Variants in PAPSS2 observed in about 807,000 individuals in gnomAD.
The protein encoded by PAPSS2 is bifunctional 3'-phosphoadenosine 5'-phosphosulfate synthase 2.
In PAPSS2, 61 loss-of-function variants were observed where a neutral mutation model predicts 66.5. The ratio of observed to expected loss-of-function variants is 0.92; its 90% CI spans 0.75 to 1.14. The LOEUF is 1.14. Ranked by LOEUF, PAPSS2 falls within the 50% of genes most tolerant of loss-of-function variation. The probability of loss-of-function intolerance (pLI) is 0.00; values close to 1 mark genes in which losing one functional copy is unlikely to be tolerated. For missense variants in PAPSS2, 708 were observed against 789.6 expected (o/e 0.90, Z 1.24); for synonymous variants, 289 against 287.5 (o/e 1.01, Z -0.05).
chr10:87,699,397 C>T (rs1853274652), intron 1 of PAPSS2, among the ~76,000 whole-genome samples: 1 of 152,206 alleles, frequency 6.6e-6, no homozygotes, highest in Non-Finnish European at 1.5e-5. Context: ...GTCCTTTTAC[C>T]TCAGCCTCTC....
chr10:87,709,319 T>G lies in PAPSS2; in HGVS notation c.145+6T>G. On this transcript the variant is annotated splice_donor_region_variant and intron_variant, in intron 2 of 12. Coordinates refer to ENST00000456849, the MANE Select transcript of PAPSS2 (RefSeq NM_001015880.2). ...ATGTACCGTGTGGCTAACAGGTATGTCATGTTCATATATATATATATATAT... is the reference window on the plus strand; with the variant it reads ...ATGTACCGTGTGGCTAACAGGTATGGCATGTTCATATATATATATATATAT... The G allele has an allele frequency of 6.8e-7, 1 of 1,480,190 alleles. No individual in the cohort carries two copies. Among genetic ancestry groups the G allele is most frequent in the South Asian group, 1.1e-5 (1 of 87,418 alleles). 91.7% of individuals were successfully genotyped at this position (1,480,190 alleles called of 1,614,324 possible).
At position 87,741,117 on chromosome 10, in the gene PAPSS2, T is replaced by G. The variant is rs981971477; in HGVS notation, c.1087-118T>G. 15 of 1,033,098 alleles carry G rather than the reference T, an allele frequency of 1.5e-5. No homozygotes were observed. The African/African-American group carries it at 2.2e-4, about 15-fold the overall frequency. The allele number at this position is 1,033,098 out of a possible 1,614,324, so 64.0% of individuals were successfully genotyped here. ...TTGAGAAATACTGTGCCAGAAATAC[T>G]AAAGAACTGAAGGCAGTTCTTTAAC... On this transcript the variant is annotated intron_variant, in intron 9 of 12. Coordinates refer to ENST00000456849, the MANE Select transcript of PAPSS2 (RefSeq NM_001015880.2).
chr10:87,687,867 A>AT (rs1049226986), intron 1 of PAPSS2, among the ~76,000 whole-genome samples: 36 of 152,176 alleles, frequency 2.4e-4, no homozygotes, highest in African/African-American at 8.0e-4. Context: ...AATACAAAAA[A>AT]TGATGATTAA....
intron 1 of PAPSS2, among the ~76,000 whole-genome samples, chr10:87,681,357 A>C (rs1200740710): frequency 6.6e-6 from 1 of 152,194 alleles, no homozygotes; most frequent in Non-Finnish European, 1.5e-5. Flanking sequence ...AAACAGGAGG[A>C]GTTTTAAATG....
intron 1 of PAPSS2, among the ~76,000 whole-genome samples, chr10:87,690,768 C>T (rs78586631): frequency 0.011 from 1,702 of 152,282 alleles, 36 homozygotes; most frequent in African/African-American, 0.039. Context: ...GAGCCAGACC[C>T]TGTGCTTTTA....
At chr10:87,737,980 T>G (rs541421032) in intron 9 of PAPSS2, among the ~76,000 whole-genome samples, 8 of 152,370 alleles carry the variant, frequency 5.3e-5, no homozygotes, top group African/African-American at 1.9e-4. Flanking sequence ...ATATTTGCTT[T>G]TTTGTGACTG....
At chr10:87,715,586 G>T in intron 6 of PAPSS2, 146 bp from the exon 7 acceptor site, 1 of 699,558 alleles carries the variant, frequency 1.4e-6, no homozygotes, top group Non-Finnish European at 2.6e-6. Context: ...TTAGATCATG[G>T]GTTAGCATAA....
chr10:87,700,246 A>G (rs931314488), intron 1 of PAPSS2, among the ~76,000 whole-genome samples: 4 of 152,240 alleles, frequency 2.6e-5, no homozygotes, highest in African/African-American at 9.6e-5. Context: ...TTTGAGAATC[A>G]GAGAAACTGG....
intron 1 of PAPSS2, among the ~76,000 whole-genome samples, chr10:87,681,085 G>T (rs1339759250): frequency 4.6e-5 from 7 of 152,108 alleles, no homozygotes; most frequent in Non-Finnish European, 8.8e-5. Context: ...AAGGGAAGCG[G>T]GTGTTGCTGC....
At chr10:87,713,451 A>G (rs927314383) in intron 3 of PAPSS2, 141 bp downstream of exon 3, 1 of 652,202 alleles carries the variant, frequency 1.5e-6, no homozygotes, top group Non-Finnish European at 2.7e-6. Flanking sequence ...TTCTTCCCCC[A>G]ATAACAGGCT....
intron 8 of PAPSS2, among the ~76,000 whole-genome samples, chr10:87,725,732 A>G (rs768729830): frequency 8.6e-5 from 13 of 152,010 alleles, no homozygotes; most frequent in Non-Finnish European, 1.8e-4. Flanking sequence ...ATCTTGCTCT[A>G]TCACCCAGGC....
rs1327746462 is a variant in PAPSS2 at position 87,659,899 on chromosome 10, T to C, written c.-83T>C. ...CGGCAGCCGCTGCTGCTGCTGCTGC[T>C]GCTGCTGCCGCCGCCGCCGCCGCCG... is the stretch of plus-strand genomic sequence containing the variant. On this transcript the variant is annotated 5_prime_UTR_variant, in exon 1 of 13. Coordinates refer to ENST00000456849, the MANE Select transcript of PAPSS2 (RefSeq NM_001015880.2). The C allele has an allele frequency of 7.8e-6, 11 of 1,415,808 alleles. No individual in the cohort carries two copies. Among genetic ancestry groups the C allele is most frequent in the African/African-American group, 1.4e-5 (1 of 71,202 alleles). 87.7% of individuals were successfully genotyped at this position (1,415,808 alleles called of 1,614,324 possible).
intron 9 of PAPSS2, among the ~76,000 whole-genome samples, chr10:87,735,045 A>G (rs1228532171): frequency 6.6e-6 from 1 of 151,846 alleles, no homozygotes; most frequent in South Asian, 2.1e-4. Context: ...TTTGAGCCCA[A>G]TTCCCTATTT....
At chr10:87,702,275 G>A (rs1432356452) in intron 1 of PAPSS2, among the ~76,000 whole-genome samples, 1 of 152,158 alleles carries the variant, frequency 6.6e-6, no homozygotes, top group Admixed American at 6.5e-5. Flanking sequence ...GCAGAAATAA[G>A]ACCCAGACTT....
chr10:87,713,312 T>TACAAAAA lies in PAPSS2; in HGVS notation c.381+3_381+4insCAAAAAA, dbSNP rs1853487662. The TACAAAAA allele has an allele frequency of 2.5e-6, 1 of 401,198 alleles. No homozygotes were observed. Among genetic ancestry groups the TACAAAAA allele is most frequent in the African/African-American group, 3.7e-5 (1 of 26,796 alleles). 24.9% of individuals were successfully genotyped at this position (401,198 alleles called of 1,614,324 possible). On this transcript the variant is annotated splice_region_variant and intron_variant, in intron 3 of 12. Transcript: ENST00000456849. ...AGCTTTATTTCTCCATTCGCAAAGG[T>TACAAAAA]AAAAAAAAAAAAAAAAAAAAAAGGC...
intron 1 of PAPSS2, chr10:87,660,259 A>T: frequency 1.7e-6 from 1 of 599,356 alleles, no homozygotes; most frequent in Non-Finnish European, 3.0e-6. Flanking sequence ...CGCGCCCGCG[A>T]GAGACCTCCC....
Position 87,715,050 on chromosome 10 carries a change from C to T in PAPSS2, c.705C>T (p.Asp235=), listed in dbSNP as rs748727745. The change falls in exon 6 of 13, where the codon GAC becomes GAT. Residue 235 remains aspartate (D), a synonymous_variant. Transcript: ENST00000456849. The part of the protein sequence containing the change: ...HELFVPENKL[D]HVRAEAETLP... ...TCTTTGTGCCGGAAAACAAACTTGA[C>T]CACGTCCGAGCTGAGGCTGAAACTC... is the stretch of plus-strand genomic sequence containing the variant. 16 of 1,613,204 alleles carry T rather than the reference C, an allele frequency of 9.9e-6. No individual in the cohort carries two copies. Among genetic ancestry groups the T allele is most frequent in the Admixed American group, 1.7e-5 (1 of 59,984 alleles).
chr10:87,713,240 C>A lies in PAPSS2; in HGVS notation c.311C>A (p.Ala104Asp), dbSNP rs1341407260. The stretch of plus-strand genomic sequence containing the variant: ...AGAGAGGAAAATATCCGCCGGATTG[C>A]TGAGGTGGCTAAGCTGTTTGCTGAT... ...GDREENIRRI[A>D]EVAKLFADAG... is the part of the protein sequence containing the mutation. Residue 104 changes from alanine (A) to aspartate (D), a missense_variant, in exon 3 of 13, where the codon GCT becomes GAT. Coordinates refer to ENST00000456849, the MANE Select transcript of PAPSS2 (RefSeq NM_001015880.2). 1 of 1,572,982 alleles carries A rather than the reference C, an allele frequency of 6.4e-7. No homozygotes were observed. Among genetic ancestry groups the A allele is most frequent in the East Asian group, 2.4e-5 (1 of 41,044 alleles).
rs763641841 is a variant in PAPSS2 at position 87,743,526 on chromosome 10, C to T, written c.1376C>T (p.Pro459Leu). ...LGGWTKDDDV[P>L]LDWRMKQHAA... Reference sequence around the variant, plus strand: ...GGCTGGACCAAGGATGACGATGTGCCTCTAGACTGGCGGATGAAGCAGCAC... The same window carrying T: ...GGCTGGACCAAGGATGACGATGTGCTTCTAGACTGGCGGATGAAGCAGCAC... Residue 459 changes from proline to leucine, a missense_variant, in exon 11 of 13, where the codon CCT (proline) becomes CTT (leucine). Physicochemically the swap from Pro to Leu is moderately conservative, Grantham distance 98. Transcript: ENST00000456849. 5.6e-6 allele frequency: 9 copies of T among 1,614,040 alleles called. No homozygotes were observed. The Admixed American group carries it at 1.5e-4, about 27-fold the overall frequency.
Sources: allele counts gnomAD v4.1 joint callset (sites outside exome capture counted in the v4.1 genomes callset), GRCh38; gene constraint gnomAD v4.1.1; transcripts MANE v1.5; gene names NCBI Gene and HGNC (gene_info 2026-07-23, HGNC 2026-07-21).